LARP1B: variants seen among roughly 807,000 people sequenced by gnomAD.
LARP1B encodes the protein La ribonucleoprotein 1B.
A neutral mutation model predicts 114.2 loss-of-function variants in LARP1B; 76 were observed. That is an observed-to-expected ratio of 0.67 (90% CI 0.55 to 0.81). The LOEUF is 0.81. LARP1B is among the 30% of genes least tolerant of loss of function. The pLI is 0.00. For missense variants in LARP1B, 1,014 were observed against 1,075.8 expected, an observed-to-expected ratio of 0.94 and a Z score of 0.80; for synonymous variants, 345 against 348.0, an observed-to-expected ratio of 0.99 and a Z score of 0.10.
chr4:128,155,710 C>T (rs772999541), intron 11 of LARP1B: 7 of 1,607,262 alleles, frequency 4.4e-6, no homozygotes, highest in Admixed American at 1.7e-5. Flanking sequence ...AGAGGAGCGC[C>T]GCCGAGTAAG....
At chr4:128,107,374 AC>A in intron 9 of LARP1B, 61 bp downstream of exon 9, 1 of 1,573,728 alleles carries the variant, frequency 6.4e-7, no homozygotes, top group Non-Finnish European at 8.6e-7. Flanking sequence ...CAATTTACTT[AC>A]TTATTTATTT....
chr4:128,159,017 T>TAAAAA (rs111692263), intron 11 of LARP1B, among the ~76,000 whole-genome samples: 1 of 146,678 alleles, frequency 6.8e-6, no homozygotes, highest in African/African-American at 2.5e-5. Context: ...AAAAAAAAAT[T>TAAAAA]AAAAAAAAAA....
At chr4:128,066,707 AC>A (rs1181402357) in intron 1 of LARP1B, among the ~76,000 whole-genome samples, 2 of 146,544 alleles carry the variant, frequency 1.4e-5, no homozygotes, top group African/African-American at 5.1e-5. Flanking sequence ...CGACTTCCTG[AC>A]CTCAGGTGAT....
intron 15 of LARP1B, among the ~76,000 whole-genome samples, chr4:128,193,142 T>C (rs1752819152): frequency 6.6e-6 from 1 of 152,216 alleles, no homozygotes; most frequent in Non-Finnish European, 1.5e-5. Context: ...TCCCCCATTC[T>C]TTGTGCTATA....
At chr4:128,155,460 C>T (rs1311851410) in intron 11 of LARP1B, 4 of 752,816 alleles carry the variant, frequency 5.3e-6, no homozygotes, top group African/African-American at 3.4e-5. Flanking sequence ...CGCGCAGCCC[C>T]CCGGCCGCAG....
intron 11 of LARP1B, among the ~76,000 whole-genome samples, chr4:128,140,653 T>C (rs1390665188): frequency 1.3e-5 from 2 of 152,178 alleles, no homozygotes; most frequent in African/African-American, 4.8e-5. Flanking sequence ...AAGTTGCACA[T>C]GTATATTTTA....
chr4:128,098,435 C>A, intron 8 of LARP1B, 105 bp downstream of exon 8: 1 of 893,966 alleles, frequency 1.1e-6, no homozygotes, highest in Non-Finnish European at 1.7e-6. Flanking sequence ...TCTGTAGTTG[C>A]TTGAGGCTCA....
At chr4:128,101,038 C>T (rs1780147253) in intron 8 of LARP1B, among the ~76,000 whole-genome samples, 1 of 150,708 alleles carries the variant, frequency 6.6e-6, no homozygotes, top group African/African-American at 2.4e-5. Flanking sequence ...AGGCTGGTCT[C>T]GAACTTCTAT....
intron 7 of LARP1B, among the ~76,000 whole-genome samples, chr4:128,093,308 T>G (rs543455315): frequency 6.6e-5 from 10 of 152,186 alleles, no homozygotes; most frequent in African/African-American, 2.4e-4. Flanking sequence ...TCACTAAAAG[T>G]TTTCCTGGCC....
intron 8 of LARP1B, among the ~76,000 whole-genome samples, chr4:128,105,739 A>C (rs1781842205): frequency 6.6e-6 from 1 of 152,020 alleles, no homozygotes; most frequent in Non-Finnish European, 1.5e-5. Flanking sequence ...AAAGTACAAA[A>C]AAATTAGCCG....
intron 5 of LARP1B, among the ~76,000 whole-genome samples, chr4:128,087,677 ATAGT>A (rs1774183790): frequency 6.6e-6 from 1 of 152,164 alleles, no homozygotes; most frequent in Non-Finnish European, 1.5e-5. Context: ...AATCTAGTCA[ATAGT>A]TAATTTTTCT....
At chr4:128,135,305 C>T (rs925751819) in intron 11 of LARP1B, among the ~76,000 whole-genome samples, 1 of 151,664 alleles carries the variant, frequency 6.6e-6, no homozygotes, top group African/African-American at 2.4e-5. Flanking sequence ...GAAATTAGAC[C>T]CTTGCGAACT....
intron 15 of LARP1B, among the ~76,000 whole-genome samples, chr4:128,196,290 A>AG (rs145320399): frequency 0.019 from 2,775 of 149,086 alleles, 37 homozygotes; most frequent in Middle Eastern, 0.034. Flanking sequence ...GAAAAAGAAA[A>AG]GGGAAAAAAA....
intron 11 of LARP1B, 112 bp downstream of exon 11, chr4:128,122,300 C>G: frequency 6.6e-7 from 1 of 1,513,812 alleles, no homozygotes; most frequent in East Asian, 2.3e-5. Context: ...AATATAAATA[C>G]ATTGTATTTA....
At chr4:128,141,575 C>G (rs1172162034) in intron 11 of LARP1B, among the ~76,000 whole-genome samples, 2 of 152,114 alleles carry the variant, frequency 1.3e-5, no homozygotes, top group Non-Finnish European at 2.9e-5. Context: ...TGAAATATAC[C>G]AGTTTTGTCC....
chr4:128,200,449 A>G (rs565037450), intron 16 of LARP1B, 72 bp from the exon 17 acceptor site: 10 of 981,924 alleles, frequency 1.0e-5, no homozygotes, highest in Non-Finnish European at 1.4e-5. Flanking sequence ...TCTTCATTTT[A>G]TATATAACAT....
At chr4:128,097,108 C>T (rs938326026) in intron 7 of LARP1B, among the ~76,000 whole-genome samples, 10 of 151,944 alleles carry the variant, frequency 6.6e-5, no homozygotes, top group Admixed American at 3.3e-4. Flanking sequence ...ATATTGGTTA[C>T]GCTGGTCTTA....
At chr4:128,193,141 C>G (rs1395169211) in intron 15 of LARP1B, among the ~76,000 whole-genome samples, 1 of 152,158 alleles carries the variant, frequency 6.6e-6, no homozygotes, top group African/African-American at 2.4e-5. Flanking sequence ...GTCCCCCATT[C>G]TTTGTGCTAT....
intron 11 of LARP1B, among the ~76,000 whole-genome samples, chr4:128,127,533 T>TA (rs1268096872): frequency 6.6e-6 from 1 of 152,130 alleles, no homozygotes; most frequent in Non-Finnish European, 1.5e-5. Flanking sequence ...AAAACACTCT[T>TA]AAAAAATAAC....
Sources: gnomAD v4.1 joint callset for allele counts (sites outside exome capture counted in the v4.1 genomes callset) on GRCh38, gnomAD v4.1.1 for gene constraint, MANE v1.5 for transcripts, NCBI Gene and HGNC (gene_info 2026-07-23, HGNC 2026-07-21) for gene names.